CSMD1: variants seen among roughly 807,000 people sequenced by gnomAD.
The protein encoded by CSMD1 is CUB and sushi domain-containing protein 1.
Under a neutral mutation model 417.5 loss-of-function variants are expected in CSMD1, and 213 were observed. The ratio of observed to expected loss-of-function variants is 0.51; its 90% CI spans 0.46 to 0.57. CSMD1 has a LOEUF of 0.57. Among genes scored for constraint, CSMD1 ranks in the 20% least tolerant of loss-of-function variants. The pLI is 0.00. For missense variants in CSMD1, 6,923 were observed against 4,529.7 expected (o/e 1.53, Z -15.17); for synonymous variants, 2,862 against 1,736.8 (o/e 1.65, Z -16.11).
chr8:3,381,305 G>A (rs937167322), intron 18 of CSMD1, among the ~76,000 whole-genome samples: 45 of 151,846 alleles, frequency 3.0e-4, no homozygotes, highest in African/African-American at 1.0e-3. Flanking sequence ...CACACCCTAT[G>A]TTAAAATTCT....
At chr8:3,908,326 C>G (rs1272241183) in intron 5 of CSMD1, among the ~76,000 whole-genome samples, 1 of 152,126 alleles carries the variant, frequency 6.6e-6, no homozygotes, top group African/African-American at 2.4e-5. Context: ...AAGATTTCAA[C>G]AAAATTTTTA....
chr8:3,920,732 G>A (rs1035645270), intron 5 of CSMD1, among the ~76,000 whole-genome samples: 2 of 79,478 alleles, frequency 2.5e-5, no homozygotes, highest in South Asian at 6.2e-4. Flanking sequence ...CTATTGAGAT[G>A]ATCCTATAAA....
intron 3 of CSMD1, among the ~76,000 whole-genome samples, chr8:4,186,031 C>T (rs1382815100): frequency 6.6e-6 from 1 of 152,158 alleles, no homozygotes; most frequent in East Asian, 1.9e-4. Context: ...TCCCTAGGTA[C>T]ATAGTGCCTG....
In CSMD1 at chr8:4,159,838, A is replaced by T. The variant is rs546822907; in HGVS notation, c.416-127739T>A. 2.2e-4 allele frequency among the ~76,000 whole-genome samples: 33 copies of T among 152,266 alleles called. No homozygotes were observed. The East Asian group carries it at 6.2e-3, about 29-fold the overall frequency. ...ATTATTCTAAGTGAAGTAACTCTGG[A>T]ATGGAAAACTAAAGACCGTATGTTC... On this transcript the variant is annotated intron_variant, in intron 3 of 69. Transcript: ENST00000635120.
chr8:4,369,601 T>G (rs1158939891), intron 3 of CSMD1, among the ~76,000 whole-genome samples: 1 of 152,156 alleles, frequency 6.6e-6, no homozygotes, highest in East Asian at 1.9e-4. Flanking sequence ...TCTATGAACT[T>G]GTTTTATGAC....
At chr8:4,629,023 G>C (rs1410026036) in intron 2 of CSMD1, among the ~76,000 whole-genome samples, 1 of 152,082 alleles carries the variant, frequency 6.6e-6, no homozygotes, top group Non-Finnish European at 1.5e-5. Context: ...ATGGTAATTT[G>C]TATTGTAGAG....
chr8:3,817,611 G>A (rs2623639), intron 5 of CSMD1, among the ~76,000 whole-genome samples: 72,334 of 151,750 alleles, frequency 0.48, 18,212 homozygotes, highest in African/African-American at 0.63. Context: ...GAATATTTAC[G>A]GGCAATATTC....
intron 23 of CSMD1, among the ~76,000 whole-genome samples, chr8:3,327,304 G>C (rs113142885): frequency 0.015 from 2,212 of 152,058 alleles, 24 homozygotes; most frequent in South Asian, 0.045. Flanking sequence ...CACCACATCT[G>C]GCTAATTTTT....
intron 2 of CSMD1, among the ~76,000 whole-genome samples, chr8:4,633,069 C>G (rs753670530): frequency 6.6e-6 from 1 of 152,100 alleles, no homozygotes. Context: ...AGGGCTAGGA[C>G]AGCAGCAGAT....
intron 2 of CSMD1, among the ~76,000 whole-genome samples, chr8:4,433,285 G>A (rs980331253): frequency 6.6e-6 from 1 of 152,084 alleles, no homozygotes; most frequent in African/African-American, 2.4e-5. Context: ...CCCACACCCT[G>A]GTCCGTAGAA....
intron 2 of CSMD1, among the ~76,000 whole-genome samples, chr8:4,427,767 C>A (rs1438974551): frequency 1.3e-5 from 2 of 152,080 alleles, no homozygotes; most frequent in African/African-American, 2.4e-5. Context: ...TCAATAGAAA[C>A]TTCAATTACA....
At chr8:3,485,489 TAAAC>T (rs1382372028) in intron 11 of CSMD1, among the ~76,000 whole-genome samples, 1 of 148,814 alleles carries the variant, frequency 6.7e-6, no homozygotes, top group African/African-American at 2.5e-5. Context: ...TACAGGAACT[TAAAC>T]AGGTAGTGAA....
intron 1 of CSMD1, among the ~76,000 whole-genome samples, chr8:4,879,940 T>G (rs1803289037): frequency 6.6e-6 from 1 of 152,066 alleles, no homozygotes; most frequent in Non-Finnish European, 1.5e-5. Flanking sequence ...CAGAATTCAT[T>G]TTGTCGTTGT....
At chr8:4,478,227 A>G (rs1015395626) in intron 2 of CSMD1, among the ~76,000 whole-genome samples, 1 of 152,276 alleles carries the variant, frequency 6.6e-6, no homozygotes, top group South Asian at 2.1e-4. Flanking sequence ...TCATGTTAAT[A>G]CTGAAAAGCT....
At chr8:3,220,011 G>T (rs1162988141) in intron 28 of CSMD1, among the ~76,000 whole-genome samples, 1 of 151,956 alleles carries the variant, frequency 6.6e-6, no homozygotes, top group Admixed American at 6.6e-5. Flanking sequence ...AGAGTGTGGT[G>T]GTGCACACTT....
At chr8:4,383,669 A>C (rs934684033) in intron 3 of CSMD1, among the ~76,000 whole-genome samples, 11 of 152,182 alleles carry the variant, frequency 7.2e-5, no homozygotes, top group Admixed American at 7.2e-4. Flanking sequence ...TATTCCAAAG[A>C]AAGAAACCAA....
intron 1 of CSMD1, among the ~76,000 whole-genome samples, chr8:4,985,561 A>G (rs1239805186): frequency 6.6e-6 from 1 of 152,234 alleles, no homozygotes; most frequent in East Asian, 1.9e-4. Context: ...GTTAAGGATC[A>G]TATCAGACTA....
At chr8:4,332,184 A>C (rs947236927) in intron 3 of CSMD1, among the ~76,000 whole-genome samples, 1 of 152,106 alleles carries the variant, frequency 6.6e-6, no homozygotes, top group Admixed American at 6.6e-5. Flanking sequence ...TGTGGACAGA[A>C]ATAATGAGGT....
intron 25 of CSMD1, among the ~76,000 whole-genome samples, chr8:3,295,110 GCTTTT>G (rs1183635570): frequency 7.2e-6 from 1 of 139,470 alleles, no homozygotes; most frequent in African/African-American, 2.6e-5. Context: ...CTTTCAATTT[GCTTTT>G]ATTTTATTTA....
Sources: allele counts gnomAD v4.1 joint callset (sites outside exome capture counted in the v4.1 genomes callset), GRCh38; gene constraint gnomAD v4.1.1; transcripts MANE v1.5; gene names NCBI Gene and HGNC (gene_info 2026-07-23, HGNC 2026-07-21).